Variants in IPCEF1 observed in about 807,000 individuals in gnomAD.
IPCEF1 encodes the protein interaction protein for cytohesin exchange factors 1, also known as interactor protein for cytohesin exchange factors 1.
IPCEF1 carries 31 observed loss-of-function variants against 50.9 expected under a neutral mutation model. The ratio of observed to expected loss-of-function variants is 0.61; its 90% CI spans 0.46 to 0.82. The LOEUF (loss-of-function observed/expected upper bound fraction) is 0.82. Ranked by LOEUF, IPCEF1 falls within the 40% of genes least tolerant of loss-of-function variation. The pLI is 0.00. For synonymous variants in IPCEF1, 181 were observed against 192.0 expected (o/e 0.94, Z 0.47); for missense variants, 458 against 514.0 (o/e 0.89, Z 1.05).
Position 154,328,550 on chromosome 6 carries a change from G to A in IPCEF1, c.-62+28122C>T, listed in dbSNP as rs542943203. ...AGCCCAAGAGTTCAAGACCAGCCTC[G>A]GCAACATAGCAAGACCCCAAATCTA... On this transcript the variant is annotated intron_variant, in intron 1 of 11. Coordinates refer to ENST00000367220, the MANE Select transcript of IPCEF1 (RefSeq NM_001130700.2). 4.0e-5 allele frequency among the ~76,000 whole-genome samples: 6 copies of A among 151,018 alleles called. No individual in the cohort carries two copies. The South Asian group carries it at 1.0e-3, about 26-fold the overall frequency.
At chr6:154,341,124 C>T (rs888648322) in intron 1 of IPCEF1, among the ~76,000 whole-genome samples, 1 of 152,098 alleles carries the variant, frequency 6.6e-6, no homozygotes, top group Non-Finnish European at 1.5e-5. Flanking sequence ...TGCTGATCAG[C>T]CTTTCCAAAG....
intron 2 of IPCEF1, among the ~76,000 whole-genome samples, chr6:154,284,665 T>TC (rs1326764023): frequency 6.6e-6 from 1 of 152,098 alleles, no homozygotes; most frequent in Non-Finnish European, 1.5e-5. Flanking sequence ...AGAGGATCTC[T>TC]CCCCTCCTGA....
intron 5 of IPCEF1, among the ~76,000 whole-genome samples, chr6:154,223,999 A>T (rs576656045): frequency 1.3e-5 from 2 of 152,314 alleles, no homozygotes; most frequent in Non-Finnish European, 2.9e-5. Flanking sequence ...CCTCTCTAAG[A>T]ATTTGTTAAT....
At chr6:154,309,813 G>C (rs1783033296) in intron 1 of IPCEF1, among the ~76,000 whole-genome samples, 1 of 151,172 alleles carries the variant, frequency 6.6e-6, no homozygotes, top group South Asian at 2.1e-4. Flanking sequence ...ACCCAGGCTG[G>C]GGTGCAATGG....
At chr6:154,177,900 C>A (rs1263331131) in intron 10 of IPCEF1, among the ~76,000 whole-genome samples, 1 of 152,108 alleles carries the variant, frequency 6.6e-6, no homozygotes, top group Non-Finnish European at 1.5e-5. Context: ...AAATGTCCAT[C>A]AATAATAGAC....
At chr6:154,237,019 ATCT>A (rs1352839433) in intron 5 of IPCEF1, among the ~76,000 whole-genome samples, 1 of 152,192 alleles carries the variant, frequency 6.6e-6, no homozygotes, top group Non-Finnish European at 1.5e-5. Flanking sequence ...TCCTTTTGAA[ATCT>A]TCTTGAAACA....
intron 2 of IPCEF1, among the ~76,000 whole-genome samples, chr6:154,289,089 T>C (rs1782447293): frequency 6.6e-6 from 1 of 152,016 alleles, no homozygotes; most frequent in Admixed American, 6.6e-5. Context: ...ATAAAAGATG[T>C]ATACCTCAGT....
chr6:154,272,383 C>G (rs540150741), intron 2 of IPCEF1, among the ~76,000 whole-genome samples: 74 of 152,340 alleles, frequency 4.9e-4, no homozygotes, highest in African/African-American at 1.7e-3. Context: ...AACTCCCTAG[C>G]CAACTAACCA....
At chr6:154,349,259 A>G (rs1006910688) in intron 1 of IPCEF1, among the ~76,000 whole-genome samples, 111 of 151,818 alleles carry the variant, frequency 7.3e-4, no homozygotes, top group African/African-American at 2.6e-3. Flanking sequence ...TGGTGCGATC[A>G]TTGCCTACTG....
chr6:154,250,970 G>T (rs1004250434), intron 3 of IPCEF1, among the ~76,000 whole-genome samples: 1 of 151,964 alleles, frequency 6.6e-6, no homozygotes, highest in African/African-American at 2.4e-5. Flanking sequence ...ATACCAGATC[G>T]GCACAGCACT....
At chr6:154,327,286 G>C (rs972089254) in intron 1 of IPCEF1, among the ~76,000 whole-genome samples, 3 of 152,078 alleles carry the variant, frequency 2.0e-5, no homozygotes, top group Admixed American at 1.3e-4. Flanking sequence ...AAAATCTACA[G>C]AATGAGAGAA....
intron 1 of IPCEF1, among the ~76,000 whole-genome samples, chr6:154,316,928 G>GA (rs1173556537): frequency 6.6e-6 from 1 of 151,894 alleles, no homozygotes; most frequent in Non-Finnish European, 1.5e-5. Flanking sequence ...AATACTGCTG[G>GA]AAAAACTGGA....
At chr6:154,195,147 C>CTTTTT (rs10719288) in intron 10 of IPCEF1, among the ~76,000 whole-genome samples, 7 of 122,892 alleles carry the variant, frequency 5.7e-5, no homozygotes, top group South Asian at 2.5e-4. Context: ...TCTTTTCTTT[C>CTTTTT]TTTTTTTTTT....
intron 1 of IPCEF1, among the ~76,000 whole-genome samples, chr6:154,353,708 C>T (rs1002725935): frequency 5.3e-5 from 8 of 152,332 alleles, no homozygotes; most frequent in South Asian, 2.1e-4. Flanking sequence ...AGAAGAACCA[C>T]GAGCTATAAG....
At chr6:154,350,083 T>C (rs1784096182) in intron 1 of IPCEF1, among the ~76,000 whole-genome samples, 1 of 152,196 alleles carries the variant, frequency 6.6e-6, no homozygotes, top group African/African-American at 2.4e-5. Flanking sequence ...CTTATGCAGG[T>C]ACCAGCCTAA....
intron 10 of IPCEF1, among the ~76,000 whole-genome samples, chr6:154,185,590 T>C (rs1275961794): frequency 6.6e-6 from 1 of 152,202 alleles, no homozygotes; most frequent in Non-Finnish European, 1.5e-5. Context: ...ACACAAAATA[T>C]GCCATATGCT....
At chr6:154,346,964 T>C in intron 1 of IPCEF1, among the ~76,000 whole-genome samples, 1 of 152,310 alleles carries the variant, frequency 6.6e-6, no homozygotes, top group Middle Eastern at 3.4e-3. Context: ...CCCTTTTCAA[T>C]CTATATTATT....
At chr6:154,321,869 G>T (rs1583987157) in intron 1 of IPCEF1, among the ~76,000 whole-genome samples, 1 of 147,186 alleles carries the variant, frequency 6.8e-6, no homozygotes. Context: ...GTCTTTTCAT[G>T]AGGACAATGG....
chr6:154,193,945 A>AT (rs1198302671), intron 10 of IPCEF1, among the ~76,000 whole-genome samples: 1 of 137,620 alleles, frequency 7.3e-6, no homozygotes, highest in East Asian at 2.3e-4. Context: ...GATGTCCAAC[A>AT]TAACAGACTT....
Sources: allele counts gnomAD v4.1 joint callset (sites outside exome capture counted in the v4.1 genomes callset), GRCh38; gene constraint gnomAD v4.1.1; transcripts MANE v1.5; gene names NCBI Gene and HGNC (gene_info 2026-07-23, HGNC 2026-07-21).